The following CPB1 variants were observed in gnomAD, a reference collection of about 807,000 sequenced individuals.
The protein encoded by CPB1 is carboxypeptidase B1.
Under a neutral mutation model 51.4 loss-of-function variants are expected in CPB1, and 53 were observed. That is an observed-to-expected ratio of 1.03 (90% confidence interval 0.83 to 1.30). The LOEUF (loss-of-function observed/expected upper bound fraction) is 1.30, where lower values mean the gene tolerates loss of function less well. Ranked by LOEUF, CPB1 falls within the 50% of genes most tolerant of loss-of-function variation. CPB1 has a pLI of 0.00. For missense variants in CPB1, 494 were observed against 516.2 expected (o/e 0.96, Z 0.42); for synonymous variants, 189 against 186.9 (o/e 1.01, Z -0.09).
At chr3:148,831,326 A>T (rs1243094104) in intron 2 of CPB1, among the ~76,000 whole-genome samples, 1 of 152,210 alleles carries the variant, frequency 6.6e-6, no homozygotes, top group Non-Finnish European at 1.5e-5. Context: ...TGTACCAGTA[A>T]GTTCCTCACT....
At chr3:148,844,858 C>A in intron 8 of CPB1, 91 bp downstream of exon 8, 12 of 1,151,250 alleles carry the variant, frequency 1.0e-5, no homozygotes, top group Non-Finnish European at 1.3e-5. Flanking sequence ...ATAAAAAAAG[C>A]AAGTTTTATA....
At chr3:148,849,578 T>C (rs1316408397) in intron 9 of CPB1, among the ~76,000 whole-genome samples, 1 of 152,030 alleles carries the variant, frequency 6.6e-6, no homozygotes, top group African/African-American at 2.4e-5. Flanking sequence ...ACACTGTTAA[T>C]AATAATAATA....
chr3:148,840,755 C>T lies in CPB1; in HGVS notation c.342C>T (p.His114=). The T allele has an allele frequency of 6.2e-7, 1 of 1,614,096 alleles. No individual in the cohort carries two copies. The highest frequency in any genetic ancestry group is 8.5e-7 in the Non-Finnish European group (1 of 1,179,994). Residue 114 remains histidine, a synonymous_variant, in exon 4 of 11, where the codon CAC becomes CAT. Transcript: ENST00000282957. ...QFDSRVRATG[H]SYEKYNKWET... ...ATAGCCGGGTTCGTGCAACAGGACA[C>T]AGTTATGAGAAGTACAACAAGTGGG...
intron 9 of CPB1, among the ~76,000 whole-genome samples, chr3:148,846,000 G>A (rs1030756970): frequency 6.6e-6 from 1 of 152,062 alleles, no homozygotes; most frequent in Non-Finnish European, 1.5e-5. Flanking sequence ...GCCCTGAGCT[G>A]AATTTGACAC....
chr3:148,837,152 G>A (rs749766814), intron 3 of CPB1, among the ~76,000 whole-genome samples: 8 of 152,116 alleles, frequency 5.3e-5, no homozygotes, highest in Non-Finnish European at 8.8e-5. Context: ...GAACCTTTAG[G>A]TGGCCTGCCC....
chr3:148,845,336 A>G (rs1713204356), intron 8 of CPB1, 88 bp from the exon 9 acceptor site: 2 of 1,202,154 alleles, frequency 1.7e-6, no homozygotes, highest in South Asian at 2.6e-5. Flanking sequence ...GACTCCTATG[A>G]AAACAACTCC....
At chr3:148,850,071 C>T (rs990496211) in intron 9 of CPB1, among the ~76,000 whole-genome samples, 1 of 152,216 alleles carries the variant, frequency 6.6e-6, no homozygotes, top group African/African-American at 2.4e-5. Context: ...GCTAAGATGA[C>T]TAACTTCTCA....
chr3:148,836,573 T>C (rs1371210806), intron 3 of CPB1, among the ~76,000 whole-genome samples: 2 of 152,230 alleles, frequency 1.3e-5, no homozygotes, highest in African/African-American at 4.8e-5. Flanking sequence ...GATAGAAAGT[T>C]CACTTTCTTT....
Position 148,859,999 on chromosome 3 carries a change from C to G in CPB1, c.1251C>G (p.Tyr417Ter). ...YVASYVLEHLY is the reference protein window; with the variant it reads ...YVASYVLEHL The stretch of plus-strand genomic sequence containing the variant: ...CCAGCTACGTCCTGGAACACCTGTA[C>G]TAGTTGAGAAAGCTGATGGCCTTGT... The change falls in exon 11 of 11, where the codon TAC becomes TAG. Residue 417 changes from tyrosine (Y) to a stop codon, truncating the protein, a stop_gained. Transcript: ENST00000282957. LOFTEE classifies it high-confidence loss of function. 1 of 1,608,578 alleles carries G rather than the reference C, an allele frequency of 6.2e-7. No homozygotes were observed. The highest frequency in any genetic ancestry group is 8.5e-7 in the Non-Finnish European group (1 of 1,177,532).
chr3:148,838,887 C>T (rs1214536296), intron 3 of CPB1, among the ~76,000 whole-genome samples: 4 of 152,122 alleles, frequency 2.6e-5, no homozygotes, highest in Admixed American at 2.6e-4. Flanking sequence ...CTACTTCCAC[C>T]CTATTCCTTA....
chr3:148,847,628 C>A (rs375399878), intron 9 of CPB1, among the ~76,000 whole-genome samples: 1 of 152,134 alleles, frequency 6.6e-6, no homozygotes, highest in East Asian at 1.9e-4. Context: ...AGATACTATT[C>A]AAAATCCTGT....
intron 2 of CPB1, among the ~76,000 whole-genome samples, chr3:148,833,101 C>G (rs997916266): frequency 2.0e-5 from 3 of 152,172 alleles, no homozygotes; most frequent in Non-Finnish European, 4.4e-5. Context: ...AAGTTGTCAC[C>G]AGCCCCTTGC....
At chr3:148,832,060 C>T (rs1415557309) in intron 2 of CPB1, among the ~76,000 whole-genome samples, 1 of 152,142 alleles carries the variant, frequency 6.6e-6, no homozygotes, top group Admixed American at 6.5e-5. Context: ...GGTTTGCTAA[C>T]TGGTTTTCTC....
In CPB1 at chr3:148,842,022, A is replaced by G. The variant is rs1222238032; in HGVS notation, c.576+98A>G. On this transcript the variant is annotated intron_variant, in intron 6 of 10. Coordinates refer to ENST00000282957, the MANE Select transcript of CPB1 (RefSeq NM_001871.3). ...AGAGAATAATAACACAGAAAAAAATACACAATTACAAGTGCCCAATTTTGG... is the reference window on the plus strand; with the variant it reads ...AGAGAATAATAACACAGAAAAAAATGCACAATTACAAGTGCCCAATTTTGG... The G allele has an allele frequency of 6.3e-6, 6 of 955,830 alleles. No homozygotes were observed. The East Asian group carries it at 1.5e-4, about 24-fold the overall frequency. 59.2% of individuals were successfully genotyped at this position (955,830 alleles called of 1,614,324 possible).
At chr3:148,856,382 C>CA (rs1713568796) in intron 9 of CPB1, 1 of 152,172 alleles carries the variant, frequency 6.6e-6, no homozygotes, top group Non-Finnish European at 1.5e-5. Context: ...ATCAGTTTGA[C>CA]ATAAGATTCT....
At position 148,834,594 on chromosome 3, in the gene CPB1, G is replaced by A. The variant is rs779685243; in HGVS notation, c.244G>A (p.Val82Ile). The change falls in exon 3 of 11, where the codon GTT becomes ATT. Residue 82 changes from valine to isoleucine, a missense_variant. Physicochemically the swap from Val to Ile is conservative, Grantham distance 29. Coordinates refer to ENST00000282957, the MANE Select transcript of CPB1 (RefSeq NM_001871.3). ...AGAAGATACTGTCACTGTGGAGAAT[G>A]TTCTAAAGCAGAATGAACTACAATA... ...KAEDTVTVEN[V>I]LKQNELQYKV... 1 of 1,611,358 alleles carries A rather than the reference G, an allele frequency of 6.2e-7. No individual in the cohort carries two copies.
At chr3:148,835,952 C>G (rs906369514) in intron 3 of CPB1, among the ~76,000 whole-genome samples, 1 of 152,124 alleles carries the variant, frequency 6.6e-6, no homozygotes, top group Non-Finnish European at 1.5e-5. Flanking sequence ...AGATTCTAAT[C>G]CTGGCTTTGC....
At chr3:148,853,760 GATT>G (rs1713496936) in intron 9 of CPB1, among the ~76,000 whole-genome samples, 1 of 152,204 alleles carries the variant, frequency 6.6e-6, no homozygotes, top group Non-Finnish European at 1.5e-5. Context: ...AAGAGCAGAG[GATT>G]TAAAGAAAGA....
chr3:148,829,605 T>C (rs947241730), intron 2 of CPB1, among the ~76,000 whole-genome samples: 1 of 152,350 alleles, frequency 6.6e-6, no homozygotes, highest in Non-Finnish European at 1.5e-5. Context: ...TTTCAGCATG[T>C]TGAGATCTTT....
Sources: gnomAD v4.1 joint callset for allele counts (sites outside exome capture counted in the v4.1 genomes callset) on GRCh38, gnomAD v4.1.1 for gene constraint, MANE v1.5 for transcripts, NCBI Gene and HGNC (gene_info 2026-07-23, HGNC 2026-07-21) for gene names.